The following CCSER1 variants were observed in gnomAD, a reference collection of about 807,000 sequenced individuals.
The protein encoded by CCSER1 is serine-rich coiled-coil domain-containing protein 1.
A neutral mutation model predicts 82.0 loss-of-function variants in CCSER1; 41 were observed. The ratio of observed to expected loss-of-function variants is 0.50; its 90% CI spans 0.39 to 0.65. CCSER1 has a LOEUF of 0.65. Ranked by LOEUF, CCSER1 falls within the 30% of genes least tolerant of loss-of-function variation. The pLI is 0.00. For missense variants in CCSER1, 1,119 were observed against 1,064.2 expected (o/e 1.05, Z -0.72); for synonymous variants, 414 against 383.9 (o/e 1.08, Z -0.92).
At chr4:91,458,348 T>G (rs1756313769) in intron 10 of CCSER1, among the ~76,000 whole-genome samples, 1 of 152,148 alleles carries the variant, frequency 6.6e-6, no homozygotes, top group Non-Finnish European at 1.5e-5. Flanking sequence ...GATTTCTCTC[T>G]GGGTTCTCTC....
chr4:91,175,740 G>C (rs1733266726), intron 10 of CCSER1, among the ~76,000 whole-genome samples: 1 of 152,110 alleles, frequency 6.6e-6, no homozygotes, highest in African/African-American at 2.4e-5. Context: ...TGTCAGATGG[G>C]TAGATGGTAA....
rs1381588031 is a variant in CCSER1, at chr4:90,712,659, A to T, written c.1933-11255A>T. On this transcript the variant is annotated intron_variant, in intron 6 of 10. Transcript: ENST00000509176. The stretch of plus-strand genomic sequence containing the variant: ...TGTAGATATCCGTCAGGTCCACTTA[A>T]TCCAGAGCTGAGTTCAGGTCCTGAA... Among the ~76,000 whole-genome samples the T allele has an allele frequency of 2.0e-5, 3 of 151,058 alleles. No individual in the cohort carries two copies. In the East Asian group the frequency reaches 5.9e-4, roughly 30 times the overall value.
chr4:91,337,174 GA>G (rs1342079149), intron 10 of CCSER1, among the ~76,000 whole-genome samples: 1 of 143,910 alleles, frequency 6.9e-6, no homozygotes, highest in African/African-American at 2.5e-5. Flanking sequence ...AATGATTTCA[GA>G]AAGGGAAGTT....
chr4:90,857,793 A>G (rs915400832), intron 8 of CCSER1, among the ~76,000 whole-genome samples: 2 of 152,092 alleles, frequency 1.3e-5, no homozygotes, highest in African/African-American at 4.8e-5. Context: ...TGCAGGATTA[A>G]CAAGTGGAGA....
chr4:90,699,812 A>T (rs1421972266), intron 6 of CCSER1, among the ~76,000 whole-genome samples: 1 of 152,030 alleles, frequency 6.6e-6, no homozygotes, highest in Non-Finnish European at 1.5e-5. Context: ...GGGGTGATTC[A>T]GTTATGAGGT....
chr4:90,437,321 G>C (rs1349719591), intron 4 of CCSER1, among the ~76,000 whole-genome samples: 1 of 151,934 alleles, frequency 6.6e-6, no homozygotes, highest in East Asian at 1.9e-4. Context: ...AGGTGTTTTA[G>C]TGTACATATA....
At chr4:90,975,375 T>A (rs1267542979) in intron 9 of CCSER1, among the ~76,000 whole-genome samples, 1 of 151,414 alleles carries the variant, frequency 6.6e-6, no homozygotes, top group Non-Finnish European at 1.5e-5. Flanking sequence ...GTTAATTTGC[T>A]TGTCTATGCT....
intron 10 of CCSER1, among the ~76,000 whole-genome samples, chr4:91,101,391 G>A (rs1007337838): frequency 3.3e-5 from 5 of 152,208 alleles, no homozygotes; most frequent in South Asian, 2.1e-4. Flanking sequence ...GAACTGATAA[G>A]AGCACATGAA....
intron 8 of CCSER1, among the ~76,000 whole-genome samples, chr4:90,912,147 G>A (rs1025981182): frequency 1.3e-5 from 2 of 152,186 alleles, no homozygotes; most frequent in East Asian, 1.9e-4. Flanking sequence ...CTTCCAGCAC[G>A]GAGCTTGAGA....
chr4:91,494,773 A>T (rs1758717258), intron 10 of CCSER1, among the ~76,000 whole-genome samples: 2 of 151,980 alleles, frequency 1.3e-5, no homozygotes, highest in South Asian at 4.1e-4. Flanking sequence ...AACATCTCTC[A>T]ATCTAATCTT....
At chr4:90,580,440 C>T (rs1021096679) in intron 5 of CCSER1, among the ~76,000 whole-genome samples, 2 of 152,110 alleles carry the variant, frequency 1.3e-5, no homozygotes, top group African/African-American at 4.8e-5. Context: ...GTGTGACTGA[C>T]CTCAGCTACT....
At chr4:91,066,700 C>A (rs963664215) in intron 9 of CCSER1, among the ~76,000 whole-genome samples, 3 of 152,158 alleles carry the variant, frequency 2.0e-5, no homozygotes, top group Non-Finnish European at 4.4e-5. Flanking sequence ...TATTCTCTAT[C>A]TCTAGGTTTC....
chr4:90,711,186 C>T (rs987476235), intron 6 of CCSER1, among the ~76,000 whole-genome samples: 1 of 152,074 alleles, frequency 6.6e-6, no homozygotes, highest in African/African-American at 2.4e-5. Context: ...ATTTTGTATC[C>T]TGAGACTTTG....
Position 90,406,945 on chromosome 4 carries a change from G to A in CCSER1, c.1603+6816G>A, listed in dbSNP as rs187834087. ...GGGCAATCTAAGCTCACACCTCACG[G>A]AACTGGAGAAACAAGAACAAACCAA... On this transcript the variant is annotated intron_variant, in intron 4 of 10. Transcript: ENST00000509176. Among the ~76,000 whole-genome samples, 152 of 152,068 alleles carry A rather than the reference G, an allele frequency of 1.0e-3. 1 individual carries two copies. The Middle Eastern group carries it at 0.014, about 14-fold the overall frequency.
chr4:91,141,438 C>T (rs530725220), intron 10 of CCSER1, among the ~76,000 whole-genome samples: 3 of 152,272 alleles, frequency 2.0e-5, no homozygotes, highest in African/African-American at 7.2e-5. Flanking sequence ...AGGCATGAAC[C>T]ACCATGCCTG....
At chr4:91,379,505 A>C (rs1222765632) in intron 10 of CCSER1, among the ~76,000 whole-genome samples, 1 of 152,094 alleles carries the variant, frequency 6.6e-6, no homozygotes, top group Non-Finnish European at 1.5e-5. Flanking sequence ...CCAGGAGTTT[A>C]TCCATTTCTT....
intron 8 of CCSER1, among the ~76,000 whole-genome samples, chr4:90,855,319 A>C (rs1764336780): frequency 6.6e-6 from 1 of 152,174 alleles, no homozygotes; most frequent in South Asian, 2.1e-4. Flanking sequence ...AGGGATCTAG[A>C]AAACAGAGGT....
chr4:90,352,315 C>T (rs1743607292), intron 3 of CCSER1, among the ~76,000 whole-genome samples: 1 of 150,382 alleles, frequency 6.6e-6, no homozygotes, highest in African/African-American at 2.4e-5. Context: ...CAGACCGAGA[C>T]TCTGTCTCAA....
At chr4:91,329,971 T>G (rs143990473) in intron 10 of CCSER1, among the ~76,000 whole-genome samples, 214 of 152,230 alleles carry the variant, frequency 1.4e-3, no homozygotes, top group African/African-American at 5.1e-3. Context: ...TTCATTAACT[T>G]TTGCTCTTAA....
Sources: allele counts gnomAD v4.1 joint callset (sites outside exome capture counted in the v4.1 genomes callset), GRCh38; gene constraint gnomAD v4.1.1; transcripts MANE v1.5; gene names NCBI Gene and HGNC (gene_info 2026-07-23, HGNC 2026-07-21).